The following ATXN7 variants were observed in gnomAD, a reference collection of about 807,000 sequenced individuals.
The protein encoded by ATXN7 is ataxin 7, also known as ataxin-7.
Under a neutral mutation model 70.5 loss-of-function variants are expected in ATXN7, and 12 were observed. The ratio of observed to expected loss-of-function variants is 0.17; its 90% CI spans 0.11 to 0.28. ATXN7 has a LOEUF of 0.28. ATXN7 is among the 10% of genes least tolerant of loss of function. The pLI, the probability that ATXN7 is intolerant of heterozygous loss-of-function variation, is 1.00. For missense variants in ATXN7, 1,256 were observed against 1,131.7 expected (o/e 1.11, Z -1.58); for synonymous variants, 498 against 448.7 (o/e 1.11, Z -1.39).
chr3:63,945,855 C>G (rs1575933283), intron 4 of ATXN7, among the ~76,000 whole-genome samples: 1 of 152,300 alleles, frequency 6.6e-6, no homozygotes, highest in African/African-American at 2.4e-5. Flanking sequence ...AGGTACAGGT[C>G]TGGGGGAACT....
At chr3:63,871,715 T>G (rs1025166032) in intron 1 of ATXN7, among the ~76,000 whole-genome samples, 7 of 152,178 alleles carry the variant, frequency 4.6e-5, no homozygotes, top group Non-Finnish European at 8.8e-5. Context: ...ACTTTTAGAA[T>G]AGGGTTTTAG....
chr3:63,948,849 A>G (rs1420530548), intron 4 of ATXN7, among the ~76,000 whole-genome samples: 4 of 152,152 alleles, frequency 2.6e-5, no homozygotes, highest in African/African-American at 9.7e-5. Flanking sequence ...CCTGAGAAAG[A>G]TTTAGGGCTT....
chr3:63,984,651 C>T (rs1056357222), intron 8 of ATXN7, among the ~76,000 whole-genome samples: 31 of 152,312 alleles, frequency 2.0e-4, no homozygotes, highest in African/African-American at 6.5e-4. Flanking sequence ...ATTTACAAAG[C>T]GTGGCAGGGA....
At chr3:63,936,985 C>T (rs1295737357) in intron 4 of ATXN7, among the ~76,000 whole-genome samples, 2 of 152,142 alleles carry the variant, frequency 1.3e-5, no homozygotes, top group African/African-American at 2.4e-5. Context: ...AACTGAAACT[C>T]ATTTAAAGAA....
At chr3:63,882,253 TAGAG>T (rs1243855015) in intron 1 of ATXN7, among the ~76,000 whole-genome samples, 1 of 152,184 alleles carries the variant, frequency 6.6e-6, no homozygotes, top group Non-Finnish European at 1.5e-5. Flanking sequence ...ATCTGGAAAT[TAGAG>T]ATAGTTAAAA....
At chr3:63,920,332 A>G (rs930978103) in intron 4 of ATXN7, among the ~76,000 whole-genome samples, 2 of 152,170 alleles carry the variant, frequency 1.3e-5, no homozygotes, top group African/African-American at 4.8e-5. Context: ...CCTGTGATCT[A>G]GGTATCACCA....
rs1180588874 is a variant in ATXN7, at chr3:63,921,668, CAG to C, written c.394+8447_394+8448del. 5.9e-5 allele frequency among the ~76,000 whole-genome samples: 9 copies of C among 152,198 alleles called. No individual in the cohort carries two copies. The South Asian group carries it at 1.7e-3, about 28-fold the overall frequency. Reference sequence around the variant, plus strand: ...CAAGTTTGCAGAAGTTAGCTTTACACAGAGACAGTTCTGGGAACCCCAGTTCT... The same window carrying C: ...CAAGTTTGCAGAAGTTAGCTTTACACAGACAGTTCTGGGAACCCCAGTTCT... On this transcript the variant is annotated intron_variant, in intron 4 of 12. Transcript: ENST00000674280.
intron 1 of ATXN7, among the ~76,000 whole-genome samples, chr3:63,888,431 T>C (rs1703152484): frequency 6.6e-6 from 1 of 152,206 alleles, no homozygotes; most frequent in Non-Finnish European, 1.5e-5. Flanking sequence ...CATCTTATCA[T>C]GTGTATTTTC....
At chr3:63,994,704 C>T (rs2075727985) in intron 11 of ATXN7, among the ~76,000 whole-genome samples, 1 of 152,198 alleles carries the variant, frequency 6.6e-6, no homozygotes, top group Admixed American at 6.5e-5. Flanking sequence ...AGGATCAAGG[C>T]AATCCTGGCA....
In ATXN7 at chr3:63,999,893, ACT is replaced by A; in HGVS notation, c.*427_*428del. ...CCTTTTACTACCATTTTTTTTTAAC[ACT>A]GTCATCTGTAGGTCACTCTCCAGCA... is the stretch of plus-strand genomic sequence containing the variant. On this transcript the variant is annotated 3_prime_UTR_variant, in exon 13 of 13. Coordinates refer to ENST00000674280, the MANE Select transcript of ATXN7 (RefSeq NM_001377405.1). The A allele has an allele frequency of 4.1e-6, 1 of 244,450 alleles. No individual in the cohort carries two copies. Among genetic ancestry groups the A allele is most frequent in the Non-Finnish European group, 8.1e-6 (1 of 123,280 alleles). The allele number at this position is 244,450 out of a possible 1,614,324, so 15.1% of individuals were successfully genotyped here.
chr3:63,958,870 C>G (rs908214362), intron 5 of ATXN7, among the ~76,000 whole-genome samples: 3 of 152,154 alleles, frequency 2.0e-5, no homozygotes, highest in African/African-American at 7.2e-5. Flanking sequence ...ACCAGACCAT[C>G]TTTTCTACCT....
chr3:63,921,990 C>T (rs1251149569), intron 4 of ATXN7, among the ~76,000 whole-genome samples: 1 of 152,128 alleles, frequency 6.6e-6, no homozygotes, highest in Admixed American at 6.5e-5. Flanking sequence ...TCTGGCATGA[C>T]AGAGTGTAGC....
At chr3:63,968,031 G>C in intron 5 of ATXN7, 2 of 1,400,122 alleles carry the variant, frequency 1.4e-6, no homozygotes, top group East Asian at 5.0e-5. Context: ...CCCAGCTCTG[G>C]ATGAGCCTGT....
chr3:63,863,935 T>A lies in ATXN7; in HGVS notation c.-334T>A. On this transcript the variant is annotated 5_prime_UTR_variant, in exon 1 of 13. An upstream open reading frame in the 5' UTR loses its in-frame stop. Transcript: ENST00000674280. Reference sequence around the variant, plus strand: ...GCCCGCGGCCGCCTGCTCCGACGCCTGAGCCGCGCCGCGCCGCGCCGCCGC... The same window carrying A: ...GCCCGCGGCCGCCTGCTCCGACGCCAGAGCCGCGCCGCGCCGCGCCGCCGC... 2 of 430,294 alleles carry A rather than the reference T, an allele frequency of 4.6e-6. No individual in the cohort carries two copies. Among genetic ancestry groups the A allele is most frequent in the Non-Finnish European group, 5.9e-6 (2 of 338,638 alleles). 26.7% of individuals were successfully genotyped at this position (430,294 alleles called of 1,614,324 possible). A position where few individuals can be genotyped will look rare whatever the true frequency, so the allele number is the denominator to read the frequency against.
chr3:63,998,798 C>A (rs1030474425), intron 12 of ATXN7: 85 of 646,060 alleles, frequency 1.3e-4, no homozygotes, highest in Admixed American at 5.7e-4. Flanking sequence ...GCTGCTGTTA[C>A]AAAAGTAGGG....
chr3:63,926,869 T>C (rs1479972955), intron 4 of ATXN7, among the ~76,000 whole-genome samples: 1 of 152,086 alleles, frequency 6.6e-6, no homozygotes, highest in Admixed American at 6.5e-5. Flanking sequence ...CCTGTGTCCA[T>C]GTGTTCTCAT....
intron 8 of ATXN7, among the ~76,000 whole-genome samples, chr3:63,984,614 T>G (rs1435470815): frequency 6.6e-6 from 1 of 152,242 alleles, no homozygotes; most frequent in Non-Finnish European, 1.5e-5. Context: ...TTTGCTTTTT[T>G]CAAACCCAAG....
At chr3:63,968,499 T>G (rs1237630237) in intron 5 of ATXN7, 1 of 152,420 alleles carries the variant, frequency 6.6e-6, no homozygotes, top group Non-Finnish European at 1.5e-5. Flanking sequence ...TTGCAGTGTT[T>G]CCTGTAGAAT....
intron 12 of ATXN7, chr3:63,998,720 GTTCATT>G: frequency 1.0e-6 from 1 of 976,666 alleles, no homozygotes; most frequent in South Asian, 4.7e-5. Context: ...TTATGTCTTT[GTTCATT>G]TATCGTATAG....
Sources: allele counts gnomAD v4.1 joint callset (sites outside exome capture counted in the v4.1 genomes callset), GRCh38; gene constraint gnomAD v4.1.1; transcripts MANE v1.5; gene names NCBI Gene and HGNC (gene_info 2026-07-23, HGNC 2026-07-21).